Variants in PDE11A observed in about 807,000 individuals in gnomAD.
PDE11A encodes the protein phosphodiesterase 11A.
A neutral mutation model predicts 100.5 loss-of-function variants in PDE11A; 100 were observed. The ratio of observed to expected loss-of-function variants is 1.00; its 90% CI spans 0.85 to 1.18. The LOEUF (loss-of-function observed/expected upper bound fraction) is 1.18, where lower values mean the gene tolerates loss of function less well. PDE11A is among the 50% of genes most tolerant of loss of function. The pLI is 0.00. For missense variants in PDE11A, 1,141 were observed against 1,152.6 expected (o/e 0.99, Z 0.15); for synonymous variants, 381 against 420.8 (o/e 0.91, Z 1.16).
intron 2 of PDE11A, among the ~76,000 whole-genome samples, chr2:178,093,258 AAGAATC>A (rs1356031775): frequency 6.6e-6 from 1 of 152,188 alleles, no homozygotes; most frequent in Middle Eastern, 3.2e-3. Flanking sequence ...CTCATCCTCC[AAGAATC>A]AGAGTGAGTT....
At position 178,049,961 on chromosome 2, in the gene PDE11A, C is replaced by T. The variant is rs535789255; in HGVS notation, c.912+21565G>A. On this transcript the variant is annotated intron_variant, in intron 1 of 19. Transcript: ENST00000286063. The stretch of plus-strand genomic sequence containing the variant: ...GAACAAAAGGCAGCAGAAGCTTCTG[C>T]AGACTTAAACATCCCTGTCTGACAG... Among the ~76,000 whole-genome samples, 3 of 152,312 alleles carry T rather than the reference C, an allele frequency of 2.0e-5. No homozygotes were observed. The South Asian group carries it at 6.2e-4, about 32-fold the overall frequency.
intron 6 of PDE11A, among the ~76,000 whole-genome samples, chr2:177,825,771 A>G (rs895371421): frequency 2.0e-5 from 3 of 152,238 alleles, no homozygotes; most frequent in Non-Finnish European, 2.9e-5. Flanking sequence ...CACCACCCCA[A>G]CGAAGTCACC....
At chr2:177,837,413 T>C (rs779395083) in intron 6 of PDE11A, among the ~76,000 whole-genome samples, 9 of 152,086 alleles carry the variant, frequency 5.9e-5, no homozygotes, top group Non-Finnish European at 1.2e-4. Flanking sequence ...TGTTTTAGTC[T>C]GACATTTTAC....
chr2:177,914,989 T>C (rs1233305433), intron 2 of PDE11A, among the ~76,000 whole-genome samples: 1 of 152,184 alleles, frequency 6.6e-6, no homozygotes, highest in African/African-American at 2.4e-5. Context: ...TCCATTTATA[T>C]TGAAGATATA....
chr2:177,658,313 A>G (rs1167111885), intron 19 of PDE11A, among the ~76,000 whole-genome samples: 1 of 152,180 alleles, frequency 6.6e-6, no homozygotes, highest in Non-Finnish European at 1.5e-5. Context: ...TCAAGTTTAA[A>G]TAATAGTCCC....
At chr2:177,981,978 C>A (rs2085888881) in intron 2 of PDE11A, among the ~76,000 whole-genome samples, 1 of 150,834 alleles carries the variant, frequency 6.6e-6, no homozygotes, top group Non-Finnish European at 1.5e-5. Flanking sequence ...GGTCTTGAGG[C>A]AAAGAAAACT....
chr2:177,870,345 C>A (rs1488185371), intron 5 of PDE11A, among the ~76,000 whole-genome samples: 7 of 152,232 alleles, frequency 4.6e-5, no homozygotes, highest in African/African-American at 1.7e-4. Context: ...ACTGTAATCT[C>A]ATTGGACACA....
chr2:177,980,919 A>G (rs879400285), intron 2 of PDE11A, among the ~76,000 whole-genome samples: 5 of 148,588 alleles, frequency 3.4e-5, no homozygotes, highest in Admixed American at 6.7e-5. Flanking sequence ...GTGGTTCTCA[A>G]TGAGACATGA....
intron 5 of PDE11A, among the ~76,000 whole-genome samples, chr2:177,845,900 A>G (rs1434372811): frequency 6.6e-6 from 1 of 151,426 alleles, no homozygotes; most frequent in Non-Finnish European, 1.5e-5. Context: ...CGTGCCTGCA[A>G]TCGCAGGCAC....
intron 1 of PDE11A, among the ~76,000 whole-genome samples, chr2:178,032,625 C>T (rs907690070): frequency 1.3e-5 from 2 of 152,136 alleles, no homozygotes; most frequent in Non-Finnish European, 2.9e-5. Flanking sequence ...CAACAGGGGT[C>T]GTCAGACACC....
At chr2:177,945,999 A>C (rs943886351) in intron 2 of PDE11A, among the ~76,000 whole-genome samples, 2 of 144,602 alleles carry the variant, frequency 1.4e-5, no homozygotes, top group Non-Finnish European at 3.0e-5. Context: ...TCCAGGAGGG[A>C]GATGGGGGGT....
chr2:178,079,145 C>G (rs935847673), intron 2 of PDE11A, among the ~76,000 whole-genome samples: 2 of 152,110 alleles, frequency 1.3e-5, no homozygotes, highest in Admixed American at 6.5e-5. Context: ...ACAACAGATT[C>G]TTTTTTTCTT....
At chr2:178,070,461 G>A (rs948145839) in intron 1 of PDE11A, among the ~76,000 whole-genome samples, 1 of 152,114 alleles carries the variant, frequency 6.6e-6, no homozygotes, top group Admixed American at 6.5e-5. Flanking sequence ...AGAGAAACAT[G>A]TAGCTCCCTG....
At chr2:177,672,985 A>G (rs1447039513) in intron 17 of PDE11A, among the ~76,000 whole-genome samples, 2 of 152,190 alleles carry the variant, frequency 1.3e-5, no homozygotes, top group Non-Finnish European at 2.9e-5. Context: ...ATTTACCTAT[A>G]TGGTTCTCTC....
intron 1 of PDE11A, among the ~76,000 whole-genome samples, chr2:178,052,564 T>A (rs1295280110): frequency 2.0e-5 from 3 of 151,984 alleles, no homozygotes; most frequent in African/African-American, 7.3e-5. Flanking sequence ...AAAAAATCAA[T>A]GAATCCAGGA....
intron 1 of PDE11A, among the ~76,000 whole-genome samples, chr2:178,043,645 A>C (rs1040849779): frequency 6.6e-6 from 1 of 152,220 alleles, no homozygotes; most frequent in African/African-American, 2.4e-5. Context: ...AGATAATAGC[A>C]ATGATGGCTA....
chr2:177,709,866 C>T (rs910365539), intron 13 of PDE11A, among the ~76,000 whole-genome samples: 2 of 152,186 alleles, frequency 1.3e-5, no homozygotes, highest in South Asian at 2.1e-4. Flanking sequence ...AAGGGGGCCA[C>T]GGGTGTCATT....
At position 178,012,383 on chromosome 2, in the gene PDE11A, G is replaced by A. The variant is rs568416390; in HGVS notation, c.1071+1919C>T. Among the ~76,000 whole-genome samples the A allele has an allele frequency of 3.5e-4, 53 of 152,246 alleles. 2 individuals are homozygous for A. Among genetic ancestry groups the A allele is most frequent in the Admixed American group, 2.7e-3 (42 of 15,288 alleles). On this transcript the variant is annotated intron_variant, in intron 2 of 19. Coordinates refer to ENST00000286063, the MANE Select transcript of PDE11A (RefSeq NM_016953.4). ...AAAATATTAATTATTTAAAAAAATTGTATTTTACACTTGCCTAGTTTCTTG... is the reference window on the plus strand; with the variant it reads ...AAAATATTAATTATTTAAAAAAATTATATTTTACACTTGCCTAGTTTCTTG...
chr2:177,724,964 CT>C (rs1268666210), intron 12 of PDE11A, among the ~76,000 whole-genome samples: 2 of 151,962 alleles, frequency 1.3e-5, no homozygotes, highest in Admixed American at 6.6e-5. Context: ...TCTTTTCTTT[CT>C]TTTTTCCCCC....
Sources: gnomAD v4.1 joint callset for allele counts (sites outside exome capture counted in the v4.1 genomes callset) on GRCh38, gnomAD v4.1.1 for gene constraint, MANE v1.5 for transcripts, NCBI Gene and HGNC (gene_info 2026-07-23, HGNC 2026-07-21) for gene names.